The following PARVB variants were observed in gnomAD, a reference collection of about 807,000 sequenced individuals.
PARVB encodes the protein parvin beta, also known as beta-parvin.
Under a neutral mutation model 47.0 loss-of-function variants are expected in PARVB, and 46 were observed. The observed-to-expected ratio is 0.98, with a 90% CI of 0.77 to 1.25. PARVB has a LOEUF of 1.25. Among genes scored for constraint, PARVB ranks in the 50% most tolerant of loss-of-function variants. The pLI, the probability that PARVB is intolerant of heterozygous loss-of-function variation, is 0.00. For missense variants in PARVB, 473 were observed against 471.6 expected, an observed-to-expected ratio of 1.00 and a Z score of -0.03; for synonymous variants, 196 against 196.3, an observed-to-expected ratio of 1.00 and a Z score of 0.01.
rs1242511996 is a variant in PARVB at position 44,080,527 on chromosome 22, C to T, written c.113-13401C>T. On this transcript the variant is annotated intron_variant, in intron 1 of 12. Transcript: ENST00000338758. ...CCTCCTGCTTCCTCTTGTAAGGACC[C>T]TGTCAATCACATTGGGCCCCCTGCA... Among the ~76,000 whole-genome samples the T allele has an allele frequency of 2.6e-5, 4 of 152,140 alleles. 1 individual carries two copies. The highest frequency in any genetic ancestry group is 4.4e-5 in the Non-Finnish European group (3 of 68,006).
intron 1 of PARVB, among the ~76,000 whole-genome samples, chr22:44,080,105 A>G (rs1803360490): frequency 6.6e-6 from 1 of 152,196 alleles, no homozygotes; most frequent in Non-Finnish European, 1.5e-5. Context: ...AAGCCATGTC[A>G]GTTTCAGTAA....
At chr22:44,040,611 T>C (rs1601514427) in intron 1 of PARVB, among the ~76,000 whole-genome samples, 1 of 152,080 alleles carries the variant, frequency 6.6e-6, no homozygotes, top group South Asian at 2.1e-4. Context: ...AGCCAGGAAA[T>C]TGATTTCCTC....
intron 11 of PARVB, among the ~76,000 whole-genome samples, chr22:44,158,628 G>A (rs544315470): frequency 5.9e-5 from 9 of 152,126 alleles, no homozygotes; most frequent in Non-Finnish European, 1.2e-4. Flanking sequence ...TCTCAAATAG[G>A]GTCAAATTTG....
intron 12 of PARVB, 192 bp from the exon 13 acceptor site, chr22:44,168,410 T>C: frequency 1.8e-6 from 1 of 565,864 alleles, no homozygotes; most frequent in Non-Finnish European, 3.2e-6. Context: ...CGCCAGGAGC[T>C]CTCACAAAAC....
intron 2 of PARVB, among the ~76,000 whole-genome samples, chr22:44,018,986 T>C (rs2050614773): frequency 6.6e-6 from 1 of 152,180 alleles, no homozygotes; most frequent in African/African-American, 2.4e-5. Context: ...GGCATGATCT[T>C]GGCTCACTGC....
Position 44,155,830 on chromosome 22 carries a change from G to A in PARVB, c.844-2152G>A, listed in dbSNP as rs1002819672. 2.0e-5 allele frequency among the ~76,000 whole-genome samples: 3 copies of A among 152,130 alleles called. No individual in the cohort carries two copies. The highest frequency in any genetic ancestry group is 2.9e-5 in the Non-Finnish European group (2 of 68,038). On this transcript the variant is annotated intron_variant, in intron 10 of 12. Coordinates refer to ENST00000338758, the MANE Select transcript of PARVB (RefSeq NM_013327.5). This position sits in a 1 kb window ranked among gnomAD's most constrained non-coding sequence, Gnocchi z 4.8. ...GAAGGCTGAGGGCATGTGACATGGA[G>A]GCCAAGTGCCATTTGCCCATCAACT...
chr22:44,092,799 A>G (rs1266544339), intron 1 of PARVB, among the ~76,000 whole-genome samples: 2 of 152,218 alleles, frequency 1.3e-5, no homozygotes, highest in East Asian at 3.8e-4. Flanking sequence ...CTGCTGCTCC[A>G]AAGCCATCAT....
At chr22:44,069,288 T>TCCCA in intron 1 of PARVB, 1 of 850,178 alleles carries the variant, frequency 1.2e-6, no homozygotes, top group Admixed American at 2.0e-5. Flanking sequence ...GCTTGACTTT[T>TCCCA]CCCAGGAAGG....
At chr22:44,163,964 G>T (rs2054109275) in intron 12 of PARVB, 34 bp downstream of exon 12, 2 of 1,543,472 alleles carry the variant, frequency 1.3e-6, no homozygotes, top group Non-Finnish European at 8.9e-7. Flanking sequence ...CCCGGGAGAG[G>T]TGCGCACGGA....
intron 2 of PARVB, chr22:43,999,788 G>A: frequency 4.0e-6 from 2 of 503,018 alleles, no homozygotes; most frequent in Non-Finnish European, 3.6e-6. Flanking sequence ...CTTGAGCCCA[G>A]GAATTTGAGA....
intron 8 of PARVB, 115 bp downstream of exon 8, chr22:44,140,258 GC>G: frequency 2.9e-6 from 3 of 1,017,036 alleles, no homozygotes; most frequent in Non-Finnish European, 4.7e-6. Context: ...GGGTCTCACT[GC>G]CCCCATAGTT....
At chr22:44,035,266 T>C (rs1309783621) in intron 1 of PARVB, among the ~76,000 whole-genome samples, 1 of 152,082 alleles carries the variant, frequency 6.6e-6, no homozygotes, top group African/African-American at 2.4e-5. Context: ...AGATGAATGC[T>C]CTGAAGTGGC....
At chr22:44,096,308 G>T (rs142773157) in intron 2 of PARVB, among the ~76,000 whole-genome samples, 2,481 of 152,256 alleles carry the variant, frequency 0.016, 155 homozygotes, top group Admixed American at 0.12. Flanking sequence ...GAGGTGGGAG[G>T]ATTGCCTGAG....
At chr22:44,082,124 G>A (rs1159193661) in intron 1 of PARVB, among the ~76,000 whole-genome samples, 1 of 152,214 alleles carries the variant, frequency 6.6e-6, no homozygotes, top group African/African-American at 2.4e-5. Flanking sequence ...TTGGGGCGGG[G>A]GAGGCTGGCT....
At chr22:44,131,648 G>T in intron 5 of PARVB, 21 bp downstream of exon 5, 1 of 1,596,636 alleles carries the variant, frequency 6.3e-7, no homozygotes, top group Non-Finnish European at 8.5e-7. Flanking sequence ...CGCCACAGGG[G>T]GAGGGACTGT....
At chr22:44,127,646 G>A (rs1462661534) in intron 4 of PARVB, among the ~76,000 whole-genome samples, 1 of 152,236 alleles carries the variant, frequency 6.6e-6, no homozygotes, top group East Asian at 1.9e-4. Context: ...AAGGGAGGGG[G>A]AGCCAGAGGA....
intron 1 of PARVB, among the ~76,000 whole-genome samples, chr22:44,042,247 C>A (rs975062834): frequency 6.6e-6 from 1 of 152,132 alleles, no homozygotes; most frequent in Non-Finnish European, 1.5e-5. Flanking sequence ...CAAGTGAAAC[C>A]CTGTCTCTAC....
chr22:44,006,005 G>A (rs1315752759), intron 2 of PARVB, among the ~76,000 whole-genome samples: 3 of 152,282 alleles, frequency 2.0e-5, no homozygotes, highest in South Asian at 2.1e-4. Flanking sequence ...TGGTAACAGC[G>A]CTATCATAGC....
At chr22:44,095,349 G>A (rs2052277335) in intron 2 of PARVB, among the ~76,000 whole-genome samples, 1 of 151,884 alleles carries the variant, frequency 6.6e-6, no homozygotes, top group Non-Finnish European at 1.5e-5. Context: ...TCTCTCCTAA[G>A]AATACAAAAA....
Sources: allele counts gnomAD v4.1 joint callset (sites outside exome capture counted in the v4.1 genomes callset), GRCh38; gene constraint gnomAD v4.1.1; non-coding constraint Gnocchi (gnomAD v3.1); transcripts MANE v1.5; gene names NCBI Gene and HGNC (gene_info 2026-07-23, HGNC 2026-07-21).